The following NKIRAS1 variants were observed in gnomAD, a reference collection of about 807,000 sequenced individuals.
NKIRAS1 encodes NF-kappa-B inhibitor-interacting Ras-like protein 1.
NKIRAS1 carries 16 observed loss-of-function variants against 19.8 expected under a neutral mutation model. The ratio of observed to expected loss-of-function variants is 0.81; its 90% CI spans 0.55 to 1.23. The LOEUF (loss-of-function observed/expected upper bound fraction) is 1.23. Among genes scored for constraint, NKIRAS1 ranks in the 50% most tolerant of loss-of-function variants. The pLI, the probability that NKIRAS1 is intolerant of heterozygous loss-of-function variation, is 0.00. For missense variants in NKIRAS1, 184 were observed against 220.0 expected (o/e 0.84, Z 1.04); for synonymous variants, 88 against 79.0 (o/e 1.11, Z -0.61).
intron 3 of NKIRAS1, among the ~76,000 whole-genome samples, chr3:23,904,912 C>G (rs1702872581): frequency 2.6e-5 from 4 of 152,166 alleles, no homozygotes; most frequent in Admixed American, 2.0e-4. Context: ...GAAGACCTAA[C>G]AGACAGAGGT....
At chr3:23,918,744 TGTTA>T, upstream of NKIRAS1, 3 of 785,900 alleles carry the variant, frequency 3.8e-6, no homozygotes, top group South Asian at 1.8e-5. Flanking sequence ...GACTTGTCTT[TGTTA>T]CAAATGCGTG....
rs534864803 is a variant in NKIRAS1 at position 23,908,507 on chromosome 3, T to C, written c.94+2304A>G. ...TTACAAAGGCAAGTGTTAATAGATA[T>C]GATAATTGCCTTCTATTAAGCTGGA... On this transcript the variant is annotated intron_variant, in intron 3 of 4. Transcript: ENST00000425478. 2.0e-5 allele frequency among the ~76,000 whole-genome samples: 3 copies of C among 152,174 alleles called. No individual in the cohort carries two copies. The East Asian group carries it at 5.8e-4, about 29-fold the overall frequency.
intron 1 of NKIRAS1, chr3:23,945,164 G>A (rs370432478): frequency 6.8e-6 from 1 of 147,896 alleles, no homozygotes; most frequent in African/African-American, 2.5e-5. Context: ...GGGTAGCCGG[G>A]GAGCCGGGAA....
chr3:23,933,877 G>A (rs1705354312), intron 1 of NKIRAS1, among the ~76,000 whole-genome samples: 1 of 152,184 alleles, frequency 6.6e-6, no homozygotes, highest in Non-Finnish European at 1.5e-5. Flanking sequence ...CCCAGTCTCT[G>A]CTTCCAAGAT....
intron 4 of NKIRAS1, among the ~76,000 whole-genome samples, chr3:23,898,914 G>A (rs1431181133): frequency 6.6e-6 from 1 of 152,194 alleles, no homozygotes; most frequent in Non-Finnish European, 1.5e-5. Flanking sequence ...TCTCACAGGA[G>A]CTGGAGAATC....
intron 1 of NKIRAS1, among the ~76,000 whole-genome samples, chr3:23,915,050 C>T (rs1704188468): frequency 6.6e-6 from 1 of 152,164 alleles, no homozygotes; most frequent in Admixed American, 6.5e-5. Flanking sequence ...TCGTAATCCC[C>T]CAAACCTGTG....
chr3:23,899,554 T>C (rs963108258), intron 4 of NKIRAS1, among the ~76,000 whole-genome samples: 7 of 152,194 alleles, frequency 4.6e-5, no homozygotes, highest in African/African-American at 1.7e-4. Flanking sequence ...CACGTGAAGA[T>C]CTGGAGAAAG....
chr3:23,900,115 T>A (rs920120745), intron 4 of NKIRAS1, among the ~76,000 whole-genome samples: 1 of 151,958 alleles, frequency 6.6e-6, no homozygotes, highest in African/African-American at 2.4e-5. Context: ...TGAGCCAAGA[T>A]CGTGCCACTG....
chr3:23,911,994 C>T (rs1357357905), intron 1 of NKIRAS1, among the ~76,000 whole-genome samples: 3 of 151,688 alleles, frequency 2.0e-5, no homozygotes, highest in East Asian at 3.9e-4. Flanking sequence ...AAACTCCTGA[C>T]CTCAAGTGAT....
At position 23,926,456 on chromosome 3, in the gene NKIRAS1, C is replaced by CT. The variant is rs1473072005; in HGVS notation, c.-139-15007dup. Among the ~76,000 whole-genome samples, 1 of 152,052 alleles carries CT rather than the reference C, an allele frequency of 6.6e-6. No individual in the cohort carries two copies. Among genetic ancestry groups the CT allele is most frequent in the Non-Finnish European group, 1.5e-5 (1 of 68,004 alleles). On this transcript the variant is annotated intron_variant, in intron 1 of 4. Coordinates refer to the NKIRAS1 transcript ENST00000421515. The surrounding 1 kb of genome is among the most constrained non-coding windows in gnomAD (Gnocchi z 4.3). ...CTTGCTCCTCGTCCTCCTCTTCTCTCTTTTTTCTCTTCTTCCTCTTTCTCT... is the reference window on the plus strand; with the variant it reads ...CTTGCTCCTCGTCCTCCTCTTCTCTCTTTTTTTCTCTTCTTCCTCTTTCTCT...
In NKIRAS1 at chr3:23,916,764, C is replaced by A. The variant is rs1008344410; in HGVS notation, c.-140+20G>T. 3.3e-5 allele frequency: 5 copies of A among 152,640 alleles called. No individual in the cohort carries two copies. The highest frequency in any genetic ancestry group is 1.2e-4 in the African/African-American group (5 of 41,424). The allele number at this position is 152,640 out of a possible 1,614,324, so 9.5% of individuals were successfully genotyped here. A position where few individuals can be genotyped will look rare whatever the true frequency, so the allele number is the denominator to read the frequency against. ...CGCAGAGACTCCGCAGGGGGAGAGC[C>A]CGCGGTGCGTGAAACAAACCTGTTC... On this transcript the variant is annotated intron_variant, in intron 1 of 4. Transcript: ENST00000425478.
intron 1 of NKIRAS1, among the ~76,000 whole-genome samples, chr3:23,915,070 A>G (rs574985812): frequency 6.6e-6 from 1 of 152,340 alleles, no homozygotes; most frequent in South Asian, 2.1e-4. Context: ...GAATATGTTT[A>G]CTTTACATAC....
chr3:23,946,201 G>A (rs1029718310), intron 1 of NKIRAS1: 19 of 985,276 alleles, frequency 1.9e-5, no homozygotes, highest in East Asian at 1.1e-4. Flanking sequence ...GGGCGTCCCC[G>A]AAGCGGGCGC....
At chr3:23,930,244 A>G (rs7622945) in intron 1 of NKIRAS1, among the ~76,000 whole-genome samples, 95,309 of 151,912 alleles carry the variant, frequency 0.63, 30,163 homozygotes, top group Middle Eastern at 0.72. Context: ...AGGCTGAGCA[A>G]CACCCTGACA....
At position 23,891,820 on chromosome 3, in the gene NKIRAS1, A is replaced by G. The variant is rs985316923; in HGVS notation, c.*1275T>C. 6.6e-6 allele frequency: 1 copy of G among 152,238 alleles called. No individual in the cohort carries two copies. The highest frequency in any genetic ancestry group is 2.4e-5 in the African/African-American group (1 of 41,462). The allele number at this position is 152,238 out of a possible 1,614,324, so 9.4% of individuals were successfully genotyped here. A position where few individuals can be genotyped will look rare whatever the true frequency, so the allele number is the denominator to read the frequency against. On this transcript the variant is annotated 3_prime_UTR_variant, in exon 5 of 5. Transcript: ENST00000425478. ...CAAACTGGAAGGTACTTATTTAAAA[A>G]TCATTATGAAAGCATTTGTCCATCT... is the stretch of plus-strand genomic sequence containing the variant.
In NKIRAS1 at chr3:23,890,588, C is replaced by CAAGAGATACGCTACATAAATTGGG; in HGVS notation, c.*2483_*2506dup. On this transcript the variant is annotated 3_prime_UTR_variant, in exon 5 of 5. Coordinates refer to ENST00000425478, the MANE Select transcript of NKIRAS1 (RefSeq NM_020345.4). ...ATGACAGAATGGCCAGACAGTGGACCAAGAGATACGCTACATAAATTGGGG... is the reference window on the plus strand; with the variant it reads ...ATGACAGAATGGCCAGACAGTGGACCAAGAGATACGCTACATAAATTGGGAAGAGATACGCTACATAAATTGGGG... 1 of 1,608,406 alleles carries CAAGAGATACGCTACATAAATTGGG rather than the reference C, an allele frequency of 6.2e-7. No individual in the cohort carries two copies. Among genetic ancestry groups the CAAGAGATACGCTACATAAATTGGG allele is most frequent in the Non-Finnish European group, 8.5e-7 (1 of 1,176,704 alleles).
intron 4 of NKIRAS1, among the ~76,000 whole-genome samples, chr3:23,893,636 A>T (rs1435995415): frequency 6.6e-6 from 1 of 151,964 alleles, no homozygotes; most frequent in Non-Finnish European, 1.5e-5. Context: ...GTGAAACCCC[A>T]TCTCTACTGA....
At chr3:23,923,953 C>G (rs1247689833) in intron 1 of NKIRAS1, 2 of 152,110 alleles carry the variant, frequency 1.3e-5, no homozygotes, top group Non-Finnish European at 2.9e-5. Flanking sequence ...TTTTTCTCCC[C>G]CTGAAAACAC....
chr3:23,936,460 G>A (rs1431616539), intron 1 of NKIRAS1, among the ~76,000 whole-genome samples: 1 of 152,172 alleles, frequency 6.6e-6, no homozygotes, highest in Non-Finnish European at 1.5e-5. Flanking sequence ...AGAATCACCT[G>A]GAGGGCTTGT....
Sources: gnomAD v4.1 joint callset for allele counts (sites outside exome capture counted in the v4.1 genomes callset) on GRCh38, gnomAD v4.1.1 for gene constraint, Gnocchi (gnomAD v3.1) non-coding constraint, MANE v1.5 for transcripts, NCBI Gene and HGNC (gene_info 2026-07-23, HGNC 2026-07-21) for gene names.